Variants in TAB1 observed in about 807,000 individuals in gnomAD.
TAB1 encodes TGF-beta-activated kinase 1 and MAP3K7-binding protein 1.
A neutral mutation model predicts 54.5 loss-of-function variants in TAB1; 30 were observed. The observed-to-expected ratio is 0.55, with a 90% CI of 0.41 to 0.75. TAB1 has a LOEUF of 0.75. Ranked by LOEUF, TAB1 falls within the 30% of genes least tolerant of loss-of-function variation. The pLI, the probability that TAB1 is intolerant of heterozygous loss-of-function variation, is 0.00. For missense variants in TAB1, 609 were observed against 683.2 expected (o/e 0.89, Z 1.21); for synonymous variants, 289 against 286.9 (o/e 1.01, Z -0.07).
In TAB1 at chr22:39,431,709, A is replaced by G; in HGVS notation, c.*1487A>G. On this transcript the variant is annotated 3_prime_UTR_variant, in exon 11 of 11. Coordinates refer to ENST00000216160, the MANE Select transcript of TAB1 (RefSeq NM_006116.3). ...CTCACTCCCTCACTCCCCACTTTGA[A>G]GCCATCTCTGTTCTGCAGGTGAGAG... 1.0e-6 allele frequency: 1 copy of G among 985,486 alleles called. No homozygotes were observed. Among genetic ancestry groups the G allele is most frequent in the Non-Finnish European group, 1.2e-6 (1 of 829,970 alleles). The allele number at this position is 985,486 out of a possible 1,614,324, so 61.0% of individuals were successfully genotyped here.
intron 8 of TAB1, among the ~76,000 whole-genome samples, chr22:39,422,434 C>T (rs571574262): frequency 2.4e-5 from 3 of 124,538 alleles, no homozygotes; most frequent in African/African-American, 9.2e-5. Flanking sequence ...TTTGAGACAG[C>T]GTCTCCCTCT....
At chr22:39,421,225 A>G (rs553129546) in intron 7 of TAB1, among the ~76,000 whole-genome samples, 3 of 152,188 alleles carry the variant, frequency 2.0e-5, no homozygotes, top group Admixed American at 1.3e-4. Flanking sequence ...GCTCACCTGC[A>G]GTTAGGATGG....
Position 39,426,939 on chromosome 22 carries a change from GCAGA to G in TAB1, c.1144+18_1144+21del. The G allele has an allele frequency of 6.2e-7, 1 of 1,603,774 alleles. No individual in the cohort carries two copies. Among genetic ancestry groups the G allele is most frequent in the Non-Finnish European group, 8.5e-7 (1 of 1,175,666 alleles). On this transcript the variant is annotated intron_variant, in intron 9 of 10. Transcript: ENST00000216160. ...GCCCAGCCCCAGGTACGTGTGCTGT[GCAGA>G]CAGGCAGTGCCTGGGGATGCCATCT...
chr22:39,428,291 C>T lies in TAB1; in HGVS notation c.1307+108C>T, dbSNP rs1927436162. 9.8e-6 allele frequency: 7 copies of T among 716,542 alleles called. No homozygotes were observed. In the South Asian group the frequency reaches 1.5e-4, roughly 15 times the overall value. The allele number at this position is 716,542 out of a possible 1,614,324, so 44.4% of individuals were successfully genotyped here. A position where few individuals can be genotyped will look rare whatever the true frequency, so the allele number is the denominator to read the frequency against. ...GGCCAAGGCTTGTGGATGAGATGCC[C>T]TGGGGTCTGGAATTCCCCAGCTCCG... On this transcript the variant is annotated intron_variant, in intron 10 of 10. Transcript: ENST00000216160.
chr22:39,433,462 A>C, downstream of TAB1: 5 of 984,258 alleles, frequency 5.1e-6, no homozygotes, highest in Non-Finnish European at 4.8e-6. Context: ...CAAGAAAAAA[A>C]AAAAAGACAT....
chr22:39,412,988 C>T (rs1926672471), intron 1 of TAB1, among the ~76,000 whole-genome samples: 2 of 146,724 alleles, frequency 1.4e-5, no homozygotes, highest in Non-Finnish European at 3.0e-5. Flanking sequence ...GATCTCGGCT[C>T]ACTGCAAGCT....
chr22:39,422,916 T>C (rs1187061890), intron 8 of TAB1, among the ~76,000 whole-genome samples: 1 of 152,060 alleles, frequency 6.6e-6, no homozygotes, highest in Non-Finnish European at 1.5e-5. Context: ...CTAAGATAAG[T>C]TCAGTTTGTG....
chr22:39,417,311 C>T (rs1368111296), intron 4 of TAB1, among the ~76,000 whole-genome samples: 2 of 152,192 alleles, frequency 1.3e-5, no homozygotes, highest in African/African-American at 4.8e-5. Flanking sequence ...CCCGGGCCCT[C>T]GGATCTTTGC....
downstream of TAB1, among the ~76,000 whole-genome samples, chr22:39,436,320 T>G (rs537807556): frequency 6.6e-6 from 1 of 152,224 alleles, no homozygotes; most frequent in African/African-American, 2.4e-5. Context: ...AAAGGAGTTC[T>G]AACTACGTTC....
chr22:39,437,110 T>C (rs956802403), downstream of TAB1: 2 of 152,392 alleles, frequency 1.3e-5, no homozygotes, highest in African/African-American at 4.8e-5. Flanking sequence ...TATTAATACA[T>C]TAAAATTTCT....
chr22:39,428,089 G>A lies in TAB1; in HGVS notation c.1213G>A (p.Val405Met), dbSNP rs1161759387. 6 of 1,613,726 alleles carry A rather than the reference G, an allele frequency of 3.7e-6. No homozygotes were observed. Among genetic ancestry groups the A allele is most frequent in the Admixed American group, 1.7e-5 (1 of 59,986 alleles). The change falls in exon 10 of 11, where the codon GTG (valine) becomes ATG (methionine). Residue 405 changes from valine (V) to methionine (M), a missense_variant. Coordinates refer to ENST00000216160, the MANE Select transcript of TAB1 (RefSeq NM_006116.3). ...SSAQSTSKTSVTLSLVMPSQG... is the reference protein window; with the variant it reads ...SSAQSTSKTSMTLSLVMPSQG... The stretch of plus-strand genomic sequence containing the variant: ...CGCCCAGAGCACCAGCAAGACCAGC[G>A]TGACCCTCTCCCTTGTCATGCCCTC...
intron 1 of TAB1, among the ~76,000 whole-genome samples, chr22:39,410,756 T>C (rs908388843): frequency 6.6e-6 from 1 of 152,168 alleles, no homozygotes; most frequent in Non-Finnish European, 1.5e-5. Flanking sequence ...AGACTCAACA[T>C]AGTGACAATG....
chr22:39,403,500 G>T (rs937300224), intron 1 of TAB1, among the ~76,000 whole-genome samples: 6 of 152,208 alleles, frequency 3.9e-5, no homozygotes, highest in Non-Finnish European at 1.5e-5. Context: ...TGAGGTCTGA[G>T]GGAGCCGGGG....
intron 7 of TAB1, 159 bp from the exon 8 acceptor site, chr22:39,421,668 G>A: frequency 2.6e-6 from 2 of 765,596 alleles, no homozygotes; most frequent in Non-Finnish European, 4.1e-6. Context: ...AAGACGATGG[G>A]TCTATTTTTC....
intron 8 of TAB1, 127 bp from the exon 9 acceptor site, chr22:39,426,576 C>G (rs541126582): frequency 2.5e-6 from 2 of 794,068 alleles, no homozygotes; most frequent in Admixed American, 5.8e-5. Flanking sequence ...ACTTGGCTGG[C>G]AGGCATTTCC....
At chr22:39,426,090 C>T (rs541165164) in intron 8 of TAB1, among the ~76,000 whole-genome samples, 1 of 152,254 alleles carries the variant, frequency 6.6e-6, no homozygotes, top group South Asian at 2.1e-4. Flanking sequence ...ATCTCCTGAC[C>T]TCTGGCAGTC....
In TAB1 at chr22:39,412,404, G is replaced by C. The variant is rs151190281; in HGVS notation, c.34-2602G>C. On this transcript the variant is annotated intron_variant, in intron 1 of 10. Coordinates refer to ENST00000216160, the MANE Select transcript of TAB1 (RefSeq NM_006116.3). ...GGAAAATAGGTTGCCAGGGATTAGG[G>C]GAGGGAGTGCGTTGGGAGTGGAGCT... 5.3e-5 allele frequency among the ~76,000 whole-genome samples: 8 copies of C among 152,278 alleles called. No homozygotes were observed. In the East Asian group the frequency reaches 1.5e-3, roughly 29 times the overall value.
Position 39,421,895 on chromosome 22 carries a change from C to T in TAB1, c.845C>T (p.Thr282Met), listed in dbSNP as rs751155142. ...GGGGCACAGCCGCTGGATGGGGTGA[C>T]GGGCTTCTTGGTGCTGATGTCGGAG... ...IHGAQPLDGV[T>M]GFLVLMSEGL... Residue 282 changes from threonine to methionine, a missense_variant, in exon 8 of 11, where the codon ACG becomes ATG. Coordinates refer to ENST00000216160, the MANE Select transcript of TAB1 (RefSeq NM_006116.3). 15 of 1,613,510 alleles carry T rather than the reference C, an allele frequency of 9.3e-6. No homozygotes were observed. The highest frequency in any genetic ancestry group is 3.3e-5 in the Admixed American group (2 of 59,886).
At chr22:39,432,544 GA>G, downstream of TAB1, 1 of 159,938 alleles carries the variant, frequency 6.3e-6, no homozygotes, top group African/African-American at 2.4e-5. Context: ...TTCCTTCCAG[GA>G]TCTGTCCTTC....
Sources: gnomAD v4.1 joint callset for allele counts (sites outside exome capture counted in the v4.1 genomes callset) on GRCh38, gnomAD v4.1.1 for gene constraint, MANE v1.5 for transcripts, NCBI Gene and HGNC (gene_info 2026-07-23, HGNC 2026-07-21) for gene names.